PTPN5: variants seen among roughly 807,000 people sequenced by gnomAD.
PTPN5 encodes the protein protein tyrosine phosphatase non-receptor type 5, also known as tyrosine-protein phosphatase non-receptor type 5.
Under a neutral mutation model 73.9 loss-of-function variants are expected in PTPN5, and 29 were observed. The observed-to-expected ratio is 0.39, with a 90% confidence interval of 0.29 to 0.54. The LOEUF (loss-of-function observed/expected upper bound fraction) is 0.54. PTPN5 is among the 20% of genes least tolerant of loss of function. The pLI, the probability that PTPN5 is intolerant of heterozygous loss-of-function variation, is 0.65. For synonymous variants in PTPN5, 267 were observed against 304.7 expected, an observed-to-expected ratio of 0.88 and a Z score of 1.29; for missense variants, 652 against 751.4, an observed-to-expected ratio of 0.87 and a Z score of 1.55.
At position 18,733,143 on chromosome 11, in the gene PTPN5, C is replaced by T. The variant is rs890155347; in HGVS notation, c.1218+92G>A. ...GCAGCGGAGTGAACACCGCCGACCT[C>T]TTGAGATTGTCATAAAGATTAATTT... On this transcript the variant is annotated intron_variant, in intron 11 of 14. Transcript: ENST00000358540. The surrounding 1 kb of genome is among the most constrained non-coding windows in gnomAD (Gnocchi z 4.3). 12 of 1,537,914 alleles carry T rather than the reference C, an allele frequency of 7.8e-6. No individual in the cohort carries two copies. Among genetic ancestry groups the T allele is most frequent in the Non-Finnish European group, 8.8e-7 (1 of 1,135,806 alleles).
intron 1 of PTPN5, 40 bp downstream of exon 1, chr11:18,791,478 CCTTCCGG>C (rs1851925166): frequency 6.6e-6 from 1 of 152,168 alleles, no homozygotes; most frequent in Non-Finnish European, 1.5e-5. Flanking sequence ...GCGCCCTCCA[CCTTCCGG>C]CTCCGCACAC....
rs1016195252 is a variant in PTPN5, at chr11:18,791,592, G to A, written c.-181C>T. On this transcript the variant is annotated 5_prime_UTR_variant, in exon 1 of 15. Transcript: ENST00000358540. ...CTGGCGGGAGGATGCGCGCGCGAGT[G>A]TGCGTGTGTCTGCGTGTGTCCCTGC... The A allele has an allele frequency of 6.5e-6, 1 of 153,280 alleles. No individual in the cohort carries two copies. Among genetic ancestry groups the A allele is most frequent in the East Asian group, 1.9e-4 (1 of 5,182 alleles). 9.5% of individuals were successfully genotyped at this position (153,280 alleles called of 1,614,324 possible). A position where few individuals can be genotyped will look rare whatever the true frequency, so the allele number is the denominator to read the frequency against.
intron 3 of PTPN5, among the ~76,000 whole-genome samples, chr11:18,755,734 G>A (rs917014625): frequency 3.3e-5 from 5 of 152,048 alleles, no homozygotes; most frequent in African/African-American, 9.7e-5. Flanking sequence ...GGCCTGACGC[G>A]GTGGCTCACT....
At chr11:18,771,634 G>T (rs1335106847) in intron 2 of PTPN5, among the ~76,000 whole-genome samples, 1 of 152,206 alleles carries the variant, frequency 6.6e-6, no homozygotes, top group Non-Finnish European at 1.5e-5. Flanking sequence ...AAGGCCAAAT[G>T]CAGGGTAGTG....
chr11:18,781,669 AG>A (rs1851437435), intron 1 of PTPN5, among the ~76,000 whole-genome samples: 1 of 152,070 alleles, frequency 6.6e-6, no homozygotes, highest in Admixed American at 6.6e-5. Context: ...TTTTAAACCC[AG>A]TTTGTCTCTA....
At chr11:18,770,626 C>G (rs73428477) in intron 2 of PTPN5, among the ~76,000 whole-genome samples, 6,997 of 152,304 alleles carry the variant, frequency 0.046, 536 homozygotes, top group African/African-American at 0.16. Flanking sequence ...TTTCCACTCT[C>G]CTCCCATCAC....
rs1433517538 is a variant in PTPN5 at position 18,740,812 on chromosome 11, G to C, written c.726-20C>G. On this transcript the variant is annotated intron_variant, in intron 7 of 14. Transcript: ENST00000358540. Reference sequence around the variant, plus strand: ...CCCCTCCTGGAAGGACCAGGAAAGGGAGTGTGAGCCTCAGGGGCAGAGGGA... The same window carrying C: ...CCCCTCCTGGAAGGACCAGGAAAGGCAGTGTGAGCCTCAGGGGCAGAGGGA... 1 of 1,472,082 alleles carries C rather than the reference G, an allele frequency of 6.8e-7. No homozygotes were observed. The highest frequency in any genetic ancestry group is 1.4e-5 in the African/African-American group (1 of 70,142). 91.2% of individuals were successfully genotyped at this position (1,472,082 alleles called of 1,614,324 possible).
intron 8 of PTPN5, 62 bp downstream of exon 8, chr11:18,740,541 G>A: frequency 8.2e-6 from 11 of 1,348,364 alleles, no homozygotes; most frequent in Non-Finnish European, 1.1e-5. Flanking sequence ...TCCACCACCT[G>A]GGCAGGTGGA....
chr11:18,772,744 T>TA (rs989699463), intron 1 of PTPN5, among the ~76,000 whole-genome samples: 7 of 152,240 alleles, frequency 4.6e-5, no homozygotes, highest in African/African-American at 1.4e-4. Flanking sequence ...TCAACCCGTT[T>TA]ACTAAACACC....
chr11:18,777,272 A>G (rs1851203991), intron 1 of PTPN5, among the ~76,000 whole-genome samples: 1 of 152,246 alleles, frequency 6.6e-6, no homozygotes, highest in East Asian at 1.9e-4. Context: ...GATCTTGGGC[A>G]AGATTTTGAC....
intron 3 of PTPN5, among the ~76,000 whole-genome samples, chr11:18,761,255 C>T (rs772275569): frequency 6.6e-6 from 1 of 152,200 alleles, no homozygotes; most frequent in Non-Finnish European, 1.5e-5. Context: ...CCACTGGCAC[C>T]TACTGCTGCT....
rs528259985 is a variant in PTPN5 at position 18,787,236 on chromosome 11, C to A, written c.-114+4289G>T. Among the ~76,000 whole-genome samples, 11 of 152,084 alleles carry A rather than the reference C, an allele frequency of 7.2e-5. No individual in the cohort carries two copies. The East Asian group carries it at 1.7e-3, about 24-fold the overall frequency. On this transcript the variant is annotated intron_variant, in intron 1 of 14. Transcript: ENST00000358540. ...TTGATCATAGTACAGATTACTATAC[C>A]CTTACTATGGTATAATATCTTTATT...
chr11:18,772,872 C>T (rs139933384), intron 1 of PTPN5, among the ~76,000 whole-genome samples: 23 of 152,184 alleles, frequency 1.5e-4, no homozygotes, highest in Admixed American at 6.5e-4. Context: ...TGCGGGGAGA[C>T]GAGCAGGGTG....
chr11:18,780,521 T>C (rs755635025), intron 1 of PTPN5, among the ~76,000 whole-genome samples: 2 of 152,154 alleles, frequency 1.3e-5, no homozygotes, highest in Non-Finnish European at 2.9e-5. Flanking sequence ...AGGAAAGGCC[T>C]TCCTGCTCCT....
At chr11:18,771,042 A>AG (rs1850870250) in intron 2 of PTPN5, among the ~76,000 whole-genome samples, 1 of 152,126 alleles carries the variant, frequency 6.6e-6, no homozygotes, top group Non-Finnish European at 1.5e-5. Flanking sequence ...TGGTTTGCTG[A>AG]GCCAATCAGG....
chr11:18,764,546 A>G (rs1850545828), intron 3 of PTPN5, among the ~76,000 whole-genome samples: 2 of 152,200 alleles, frequency 1.3e-5, no homozygotes, highest in Non-Finnish European at 2.9e-5. Flanking sequence ...CTTATTTTGA[A>G]GAGTCATCGC....
chr11:18,758,791 T>C (rs1488184512), intron 3 of PTPN5, among the ~76,000 whole-genome samples: 4 of 152,212 alleles, frequency 2.6e-5, no homozygotes, highest in Non-Finnish European at 5.9e-5. Context: ...AGGAGTACGA[T>C]GGATGTCCAT....
At chr11:18,772,828 G>C (rs4372421) in intron 1 of PTPN5, among the ~76,000 whole-genome samples, 60,534 of 152,074 alleles carry the variant, frequency 0.4, 13,328 homozygotes, top group East Asian at 0.87. Context: ...ATGTAGGTAA[G>C]AAGAAAAGGC....
chr11:18,788,572 G>A (rs574868573), intron 1 of PTPN5, among the ~76,000 whole-genome samples: 12 of 152,180 alleles, frequency 7.9e-5, no homozygotes, highest in African/African-American at 1.2e-4. Flanking sequence ...TTCTTCTAAC[G>A]TACAAATCAT....
Sources: gnomAD v4.1 joint callset for allele counts (sites outside exome capture counted in the v4.1 genomes callset) on GRCh38, gnomAD v4.1.1 for gene constraint, Gnocchi (gnomAD v3.1) non-coding constraint, MANE v1.5 for transcripts, NCBI Gene and HGNC (gene_info 2026-07-23, HGNC 2026-07-21) for gene names.